The following PLCB1 variants were observed in gnomAD, a reference collection of about 807,000 sequenced individuals.
PLCB1 encodes the protein phospholipase C beta 1, also known as 1-phosphatidylinositol 4,5-bisphosphate phosphodiesterase beta-1.
In PLCB1, 46 loss-of-function variants were observed where a neutral mutation model predicts 161.8. The ratio of observed to expected loss-of-function variants is 0.28; its 90% CI spans 0.22 to 0.36. The LOEUF (loss-of-function observed/expected upper bound fraction) is 0.36, where lower values mean the gene tolerates loss of function less well. PLCB1 is among the 10% of genes least tolerant of loss of function. PLCB1 has a pLI of 1.00. For synonymous variants in PLCB1, 517 were observed against 503.7 expected, an observed-to-expected ratio of 1.03 and a Z score of -0.35; for missense variants, 1,016 against 1,472.5, an observed-to-expected ratio of 0.69 and a Z score of 5.07.
chr20:8,821,525 A>G (rs926418003), intron 31 of PLCB1, among the ~76,000 whole-genome samples: 48 of 40,550 alleles, frequency 1.2e-3, no homozygotes, highest in Non-Finnish European at 1.7e-3. Context: ...ATATATATAT[A>G]TATATATATA....
At chr20:8,338,411 G>C (rs1985666641) in intron 2 of PLCB1, among the ~76,000 whole-genome samples, 1 of 152,100 alleles carries the variant, frequency 6.6e-6, no homozygotes, top group Non-Finnish European at 1.5e-5. Flanking sequence ...AAGCATTAAA[G>C]TGTTCTGGTA....
intron 2 of PLCB1, among the ~76,000 whole-genome samples, chr20:8,308,272 C>T (rs766606037): frequency 2.0e-5 from 3 of 151,874 alleles, no homozygotes; most frequent in South Asian, 2.1e-4. Flanking sequence ...TATTTATATT[C>T]TTTTAAATAT....
At chr20:8,297,971 A>T (rs1481239153) in intron 2 of PLCB1, among the ~76,000 whole-genome samples, 1 of 150,674 alleles carries the variant, frequency 6.6e-6, no homozygotes, top group Non-Finnish European at 1.5e-5. Context: ...TTTAAATCAC[A>T]GTCCCCATCA....
intron 2 of PLCB1, among the ~76,000 whole-genome samples, chr20:8,303,919 G>A (rs901076464): frequency 1.3e-5 from 2 of 152,204 alleles, no homozygotes; most frequent in Non-Finnish European, 2.9e-5. Context: ...AGCAGGAAAT[G>A]AGTGATTGCC....
intron 2 of PLCB1, among the ~76,000 whole-genome samples, chr20:8,224,213 T>C (rs1979555838): frequency 6.6e-6 from 1 of 152,192 alleles, no homozygotes; most frequent in Non-Finnish European, 1.5e-5. Context: ...TTACTAATTC[T>C]GTGGCATCGG....
At chr20:8,490,084 T>C (rs938305510) in intron 3 of PLCB1, among the ~76,000 whole-genome samples, 8 of 152,212 alleles carry the variant, frequency 5.3e-5, no homozygotes, top group African/African-American at 1.9e-4. Context: ...GTAGGTCATA[T>C]TTGTCAAAAT....
At chr20:8,641,505 C>T (rs970267878) in intron 4 of PLCB1, among the ~76,000 whole-genome samples, 2 of 152,214 alleles carry the variant, frequency 1.3e-5, no homozygotes, top group South Asian at 2.1e-4. Context: ...CCTTTCCTTC[C>T]GTCTGCTTTC....
chr20:8,744,330 A>C (rs549282663), intron 23 of PLCB1, among the ~76,000 whole-genome samples: 5 of 152,188 alleles, frequency 3.3e-5, no homozygotes, highest in Non-Finnish European at 7.3e-5. Flanking sequence ...TTAGTTAGCC[A>C]TTGTCTCTAA....
At chr20:8,140,153 T>C (rs751227291) in intron 1 of PLCB1, among the ~76,000 whole-genome samples, 1 of 152,150 alleles carries the variant, frequency 6.6e-6, no homozygotes, top group Non-Finnish European at 1.5e-5. Context: ...CCTTCTTGAT[T>C]TCTCACCTTT....
At chr20:8,247,702 T>C (rs1290561771) in intron 2 of PLCB1, among the ~76,000 whole-genome samples, 1 of 151,330 alleles carries the variant, frequency 6.6e-6, no homozygotes, top group Non-Finnish European at 1.5e-5. Context: ...TAGTAAATGC[T>C]CAATATTTTT....
intron 3 of PLCB1, among the ~76,000 whole-genome samples, chr20:8,412,470 A>G (rs1044825659): frequency 6.6e-6 from 1 of 152,232 alleles, no homozygotes; most frequent in African/African-American, 2.4e-5. Flanking sequence ...TGTCATTTCA[A>G]TAGCAGGTTC....
intron 31 of PLCB1, among the ~76,000 whole-genome samples, chr20:8,813,086 C>T (rs986508026): frequency 2.0e-5 from 3 of 152,270 alleles, no homozygotes; most frequent in East Asian, 1.9e-4. Flanking sequence ...TCCTGGACAC[C>T]GCGTCCTCTC....
intron 2 of PLCB1, among the ~76,000 whole-genome samples, chr20:8,345,993 ATAAAG>A (rs1232863970): frequency 1.3e-5 from 2 of 152,232 alleles, no homozygotes; most frequent in African/African-American, 2.4e-5. Context: ...TGGTCCTCAC[ATAAAG>A]TAAAGAGGCC....
chr20:8,396,986 C>T (rs1023957350), intron 3 of PLCB1, among the ~76,000 whole-genome samples: 4 of 151,908 alleles, frequency 2.6e-5, no homozygotes, highest in Admixed American at 1.3e-4. Flanking sequence ...CTTCATTTGG[C>T]GTTTTTATTC....
At chr20:8,292,855 CAT>C (rs1983449313) in intron 2 of PLCB1, among the ~76,000 whole-genome samples, 1 of 152,146 alleles carries the variant, frequency 6.6e-6, no homozygotes, top group African/African-American at 2.4e-5. Flanking sequence ...AGTTAATTAA[CAT>C]ATGTAAAACT....
rs146052767 is a variant in PLCB1, at chr20:8,795,542, A to G, written c.3423+5281A>G. Among the ~76,000 whole-genome samples the G allele has an allele frequency of 9.8e-3, 1,499 of 152,284 alleles. 33 individuals carry two copies. Among genetic ancestry groups the G allele is most frequent in the African/African-American group, 0.034 (1,429 of 41,548 alleles). Reference sequence around the variant, plus strand: ...CAGTCCTTGAGTGTATGTGGGTTTCAGTTTTGTTTGAGTTGTGGCTTTTTA... The same window carrying G: ...CAGTCCTTGAGTGTATGTGGGTTTCGGTTTTGTTTGAGTTGTGGCTTTTTA... On this transcript the variant is annotated intron_variant, in intron 31 of 31. Transcript: ENST00000338037.
At chr20:8,605,451 C>T (rs1407909007) in intron 3 of PLCB1, among the ~76,000 whole-genome samples, 1 of 151,984 alleles carries the variant, frequency 6.6e-6, no homozygotes, top group African/African-American at 2.4e-5. Flanking sequence ...AACAACCTTA[C>T]CCCTATATTT....
At chr20:8,597,299 GT>G (rs1179567873) in intron 3 of PLCB1, among the ~76,000 whole-genome samples, 2 of 6,958 alleles carry the variant, frequency 2.9e-4, no homozygotes, top group African/African-American at 1.3e-3. Context: ...TTTATTGAGA[GT>G]TTTTAGCATG....
chr20:8,197,480 A>G (rs978535607), intron 2 of PLCB1, among the ~76,000 whole-genome samples: 1 of 152,070 alleles, frequency 6.6e-6, no homozygotes, highest in African/African-American at 2.4e-5. Context: ...GTGTCTGTTC[A>G]TATCCTTTGC....
Sources: allele counts gnomAD v4.1 joint callset (sites outside exome capture counted in the v4.1 genomes callset), GRCh38; gene constraint gnomAD v4.1.1; transcripts MANE v1.5; gene names NCBI Gene and HGNC (gene_info 2026-07-23, HGNC 2026-07-21).